The following EYS variants were observed in gnomAD, a reference collection of about 807,000 sequenced individuals.
EYS encodes the protein protein eyes shut homolog.
EYS carries 250 observed loss-of-function variants against 282.1 expected under a neutral mutation model. The ratio of observed to expected loss-of-function variants is 0.89; its 90% confidence interval spans 0.80 to 0.98. EYS has a LOEUF of 0.98. Ranked by LOEUF, EYS falls within the 50% of genes least tolerant of loss-of-function variation. EYS has a pLI of 0.00. For missense variants in EYS, 4,016 were observed against 3,709.0 expected, an observed-to-expected ratio of 1.08 and a Z score of -2.15; for synonymous variants, 1,355 against 1,282.9, an observed-to-expected ratio of 1.06 and a Z score of -1.20.
intron 35 of EYS, among the ~76,000 whole-genome samples, chr6:63,966,281 A>G (rs928404515): frequency 5.9e-5 from 9 of 152,214 alleles, no homozygotes; most frequent in Non-Finnish European, 1.5e-5. Flanking sequence ...ACAAAACATC[A>G]TATGTTCTCA....
chr6:64,906,233 A>G (rs1767821939), intron 16 of EYS, among the ~76,000 whole-genome samples: 2 of 151,776 alleles, frequency 1.3e-5, no homozygotes, highest in South Asian at 2.1e-4. Flanking sequence ...AATATTTCCA[A>G]TAGTCTCTAA....
chr6:64,113,676 T>A (rs1773282872), intron 31 of EYS, among the ~76,000 whole-genome samples: 1 of 152,190 alleles, frequency 6.6e-6, no homozygotes. Context: ...TTTTTCTGAA[T>A]GGAGTTAGTT....
intron 29 of EYS, among the ~76,000 whole-genome samples, chr6:64,355,984 C>T (rs1000553711): frequency 6.6e-6 from 1 of 151,630 alleles, no homozygotes; most frequent in African/African-American, 2.4e-5. Context: ...ATCTCATTTA[C>T]TCCTGACCAC....
chr6:64,899,058 A>G (rs940459748), intron 18 of EYS, among the ~76,000 whole-genome samples: 1 of 152,068 alleles, frequency 6.6e-6, no homozygotes. Flanking sequence ...TGAGACAGAA[A>G]ATTAACAAGG....
At chr6:65,467,179 T>G (rs1582334069) in intron 5 of EYS, among the ~76,000 whole-genome samples, 1 of 152,154 alleles carries the variant, frequency 6.6e-6, no homozygotes, top group African/African-American at 2.4e-5. Flanking sequence ...AGCTAACAGA[T>G]ATCAGTCTGT....
intron 35 of EYS, among the ~76,000 whole-genome samples, chr6:63,978,177 C>A (rs191502424): frequency 6.6e-6 from 1 of 151,874 alleles, no homozygotes; most frequent in East Asian, 1.9e-4. Context: ...GTAGAAAATA[C>A]CTTAAATACT....
At chr6:64,279,843 C>G (rs536908850) in intron 30 of EYS, among the ~76,000 whole-genome samples, 1 of 152,180 alleles carries the variant, frequency 6.6e-6, no homozygotes, top group South Asian at 2.1e-4. Context: ...ACTCCTATAC[C>G]AAGGCCTGCA....
At chr6:64,531,511 C>T (rs901715598) in intron 26 of EYS, among the ~76,000 whole-genome samples, 14 of 149,814 alleles carry the variant, frequency 9.3e-5, no homozygotes, top group Non-Finnish European at 1.3e-4. Context: ...CTCAGCCTCC[C>T]GAATATCTGG....
At chr6:64,201,202 T>C (rs1159781538) in intron 31 of EYS, among the ~76,000 whole-genome samples, 3 of 152,180 alleles carry the variant, frequency 2.0e-5, no homozygotes, top group Admixed American at 6.5e-5. Context: ...AAATGAAGGA[T>C]AGGCTGTTGT....
chr6:65,495,288 T>C lies in EYS; in HGVS notation c.123A>G (p.Val41=), dbSNP rs1370120169. 1.9e-6 allele frequency: 3 copies of C among 1,614,146 alleles called. No homozygotes were observed. The highest frequency in any genetic ancestry group is 2.5e-6 in the Non-Finnish European group (3 of 1,180,024). Residue 41 remains valine, a synonymous_variant, in exon 4 of 43, where the codon GTA becomes GTG. Transcript: ENST00000503581. The part of the protein sequence containing the change: ...EWHPQPSSYV[V]NWTLTENICL... ...AGATGTTTTCTGTTAGTGTCCAATT[T>C]ACCACATATGATGAGGGTTGTGGAT...
chr6:65,254,475 G>C (rs1360773296), intron 12 of EYS, among the ~76,000 whole-genome samples: 1 of 151,772 alleles, frequency 6.6e-6, no homozygotes, highest in Non-Finnish European at 1.5e-5. Flanking sequence ...ATTATGAAAA[G>C]AAAAATTACT....
At chr6:65,072,874 A>G (rs1773939938) in intron 12 of EYS, among the ~76,000 whole-genome samples, 1 of 151,650 alleles carries the variant, frequency 6.6e-6, no homozygotes. Flanking sequence ...GAAATAGGCA[A>G]ATATTGAAAC....
intron 2 of EYS, among the ~76,000 whole-genome samples, chr6:65,521,868 T>C (rs1295516949): frequency 6.6e-6 from 1 of 152,152 alleles, no homozygotes; most frequent in Non-Finnish European, 1.5e-5. Context: ...CTCGTAGGGT[T>C]CTTGGTATAT....
In EYS at chr6:65,687,504, A is replaced by G. The variant is rs543195356; in HGVS notation, c.-448+19631T>C. 2.6e-5 allele frequency among the ~76,000 whole-genome samples: 4 copies of G among 152,184 alleles called. No individual in the cohort carries two copies. The South Asian group carries it at 8.3e-4, about 32-fold the overall frequency. On this transcript the variant is annotated intron_variant, in intron 1 of 42. Coordinates refer to ENST00000503581, the MANE Select transcript of EYS (RefSeq NM_001142800.2). ...ACCAACCTCTAAGTAGAAAGATTCTAAACATAAACAGATAAAGATTATGTG... is the reference window on the plus strand; with the variant it reads ...ACCAACCTCTAAGTAGAAAGATTCTGAACATAAACAGATAAAGATTATGTG...
At chr6:63,905,332 T>TC (rs1228566716) in intron 35 of EYS, among the ~76,000 whole-genome samples, 8 of 144,826 alleles carry the variant, frequency 5.5e-5, no homozygotes, top group African/African-American at 1.0e-4. Context: ...TTTTTTTCTT[T>TC]TTTTTTTTTT....
At chr6:65,632,024 C>T (rs1766931452) in intron 2 of EYS, among the ~76,000 whole-genome samples, 1 of 152,042 alleles carries the variant, frequency 6.6e-6, no homozygotes, top group South Asian at 2.1e-4. Flanking sequence ...TTATGGTAAA[C>T]AATATGTCTT....
At chr6:64,831,796 T>G (rs1435428215) in intron 19 of EYS, among the ~76,000 whole-genome samples, 4 of 151,930 alleles carry the variant, frequency 2.6e-5, no homozygotes, top group Admixed American at 2.0e-4. Flanking sequence ...GTAAAAAATT[T>G]TAAAGAAGAC....
At chr6:63,991,039 G>T (rs1767581100) in intron 34 of EYS, among the ~76,000 whole-genome samples, 1 of 151,698 alleles carries the variant, frequency 6.6e-6, no homozygotes, top group African/African-American at 2.4e-5. Context: ...GGGCTTCTGA[G>T]AATAAGAGAG....
chr6:64,015,231 A>T (rs950824751), intron 33 of EYS, among the ~76,000 whole-genome samples: 2 of 152,194 alleles, frequency 1.3e-5, no homozygotes, highest in African/African-American at 4.8e-5. Flanking sequence ...AACATTTTGG[A>T]ATTTTTCCAG....
Sources: allele counts gnomAD v4.1 joint callset (sites outside exome capture counted in the v4.1 genomes callset), GRCh38; gene constraint gnomAD v4.1.1; transcripts MANE v1.5; gene names NCBI Gene and HGNC (gene_info 2026-07-23, HGNC 2026-07-21).